The following HEATR5B variants were observed in gnomAD, a reference collection of about 807,000 sequenced individuals.
The protein encoded by HEATR5B is HEAT repeat-containing protein 5B.
In HEATR5B, 156 loss-of-function variants were observed where a neutral mutation model predicts 224.1. The ratio of observed to expected loss-of-function variants is 0.70; its 90% CI spans 0.61 to 0.80. The LOEUF is 0.80. Among genes scored for constraint, HEATR5B ranks in the 30% least tolerant of loss-of-function variants. The pLI, the probability that HEATR5B is intolerant of heterozygous loss-of-function variation, is 0.00. For missense variants in HEATR5B, 2,323 were observed against 2,535.5 expected (o/e 0.92, Z 1.80); for synonymous variants, 1,027 against 893.0 (o/e 1.15, Z -2.68).
In HEATR5B at chr2:36,990,729, A is replaced by G; in HGVS notation, c.5616T>C (p.Ser1872=). 6.2e-7 allele frequency: 1 copy of G among 1,612,512 alleles called. No homozygotes were observed. Among genetic ancestry groups the G allele is most frequent in the South Asian group, 1.1e-5 (1 of 90,870 alleles). The change falls in exon 34 of 36, where the codon AGT becomes AGC. Residue 1872 remains serine, a synonymous_variant. Coordinates refer to ENST00000233099, the MANE Select transcript of HEATR5B (RefSeq NM_019024.3). ...ATGACTGGACTCCTATTATTTCATT[A>G]CTAGCAGACCACAGGAAGAGTGCAA... The part of the protein sequence containing the change: ...TAIALFLWSA[S]NEIIGVQSLQ...
At chr2:37,035,040 T>C (rs1325227855) in intron 21 of HEATR5B, among the ~76,000 whole-genome samples, 1 of 152,358 alleles carries the variant, frequency 6.6e-6, no homozygotes, top group African/African-American at 2.4e-5. Flanking sequence ...CCACCCATCT[T>C]ACACAACTAC....
intron 26 of HEATR5B, among the ~76,000 whole-genome samples, chr2:37,015,558 G>C (rs564879441): frequency 2.4e-4 from 37 of 152,282 alleles, no homozygotes; most frequent in Admixed American, 9.2e-4. Flanking sequence ...TACAAAAAGA[G>C]CAAGGAATCA....
chr2:37,075,342 T>C (rs1672160181), intron 5 of HEATR5B, 143 bp downstream of exon 5: 1 of 570,980 alleles, frequency 1.8e-6, no homozygotes, highest in Non-Finnish European at 3.0e-6. Flanking sequence ...CATGATGTGA[T>C]ACTATTATAT....
intron 33 of HEATR5B, among the ~76,000 whole-genome samples, chr2:36,996,088 G>A (rs1041144715): frequency 4.7e-5 from 7 of 148,614 alleles, no homozygotes; most frequent in Non-Finnish European, 1.0e-4. Context: ...TTGAGAGGGA[G>A]TCTCGCTCTG....
intron 4 of HEATR5B, among the ~76,000 whole-genome samples, chr2:37,076,533 G>A (rs953769680): frequency 6.6e-6 from 1 of 151,800 alleles, no homozygotes; most frequent in Non-Finnish European, 1.5e-5. Context: ...ACACTTTATC[G>A]CAGACCTCCA....
intron 27 of HEATR5B, among the ~76,000 whole-genome samples, chr2:37,013,146 T>C (rs752607041): frequency 1.3e-5 from 2 of 152,302 alleles, no homozygotes; most frequent in Admixed American, 6.5e-5. Context: ...ATAACTCCAA[T>C]AGTCTTCCCT....
Position 37,020,744 on chromosome 2 carries a change from G to A in HEATR5B, c.3946C>T (p.Gln1316Ter). 1.9e-6 allele frequency: 3 copies of A among 1,610,338 alleles called. No homozygotes were observed. Among genetic ancestry groups the A allele is most frequent in the Non-Finnish European group, 2.5e-6 (3 of 1,179,292 alleles). ...HSNQLRMAGLQALEDIIKKFA... is the reference protein window; with the variant it reads ...HSNQLRMAGL Reference sequence around the variant, plus strand: ...TTCTTGATAATGTCTTCAAGCGCCTGGAGCCCAGCCATTCGCAGCTGGTTG... The same window carrying A: ...TTCTTGATAATGTCTTCAAGCGCCTAGAGCCCAGCCATTCGCAGCTGGTTG... Residue 1316 changes from glutamine (Q) to a stop codon, truncating the protein, a stop_gained, in exon 25 of 36, where the codon CAG becomes TAG. Transcript: ENST00000233099. LOFTEE classifies it high-confidence loss of function.
chr2:37,038,815 G>T (rs914036887), intron 20 of HEATR5B, among the ~76,000 whole-genome samples: 1 of 147,704 alleles, frequency 6.8e-6, no homozygotes, highest in African/African-American at 2.5e-5. Flanking sequence ...CAGGAGAATT[G>T]CTTGAACCCG....
intron 35 of HEATR5B, among the ~76,000 whole-genome samples, chr2:36,987,586 G>A (rs946528580): frequency 1.3e-5 from 2 of 152,016 alleles, no homozygotes; most frequent in African/African-American, 2.4e-5. Flanking sequence ...AGGGAATAAA[G>A]AAAATATATT....
chr2:37,012,246 C>G (rs557412642), intron 27 of HEATR5B, among the ~76,000 whole-genome samples: 2 of 152,288 alleles, frequency 1.3e-5, no homozygotes, highest in East Asian at 3.9e-4. Context: ...CACTTAATAT[C>G]ATCATCTTTC....
rs187258235 is a variant in HEATR5B at position 36,982,252 on chromosome 2, T to A, written c.5912-458A>T. On this transcript the variant is annotated intron_variant, in intron 35 of 35. Transcript: ENST00000233099. ...AATACAATACAACTTTTTTCCTATT[T>A]CATCATCCCCCAAAACTCACAGTGA... Among the ~76,000 whole-genome samples the A allele has an allele frequency of 2.2e-3, 340 of 152,282 alleles. 1 individual carries two copies. The highest frequency in any genetic ancestry group is 7.7e-3 in the African/African-American group (322 of 41,554).
In HEATR5B at chr2:37,062,027, A is replaced by G. The variant is rs757801516; in HGVS notation, c.1608T>C (p.Asp536=). 33 of 1,611,082 alleles carry G rather than the reference A, an allele frequency of 2.0e-5. No homozygotes were observed. The South Asian group carries it at 3.6e-4, about 18-fold the overall frequency. The change falls in exon 11 of 36, where the codon GAT becomes GAC. Residue 536 remains aspartate, a synonymous_variant. Transcript: ENST00000233099. ...KGKMVVSIAE[D]LLRTAAQNSR... is the part of the protein sequence containing the mutation. ...TATTTTGGGCAGCAGTTCGTAAAAG[A>G]TCTTCAGCAATACTAACTACCATCT...
chr2:36,993,841 T>C (rs1018404938), intron 33 of HEATR5B, among the ~76,000 whole-genome samples: 2 of 151,548 alleles, frequency 1.3e-5, no homozygotes, highest in Non-Finnish European at 2.9e-5. Flanking sequence ...AAAAAAAAAT[T>C]AGACAATTCT....
chr2:37,034,375 A>C (rs1265350644), intron 21 of HEATR5B, among the ~76,000 whole-genome samples: 1 of 137,294 alleles, frequency 7.3e-6, no homozygotes, highest in Non-Finnish European at 1.6e-5. Context: ...GCACTTTGGG[A>C]GGCCGAGGCG....
At chr2:37,039,497 T>C (rs1348601057) in intron 20 of HEATR5B, among the ~76,000 whole-genome samples, 1 of 152,114 alleles carries the variant, frequency 6.6e-6, no homozygotes, top group African/African-American at 2.4e-5. Context: ...TGATCTGGGC[T>C]TCACTTCTTA....
In HEATR5B at chr2:37,079,276, C is replaced by G. The variant is rs762671231; in HGVS notation, c.182G>C (p.Ser61Thr). Residue 61 changes from serine (S) to threonine (T), a missense_variant, in exon 3 of 36, where the codon AGT becomes ACT. Ser to Thr is a moderately conservative substitution (Grantham distance 58). Coordinates refer to ENST00000233099, the MANE Select transcript of HEATR5B (RefSeq NM_019024.3). ...KLVEQLTGLI[S>T]SSPGPPTRKL... Reference sequence around the variant, plus strand: ...TCGTGTAGGTGGTCCAGGTGAACTACTTATTAATCCAGTTAATTGTTCAAC... The same window carrying G: ...TCGTGTAGGTGGTCCAGGTGAACTAGTTATTAATCCAGTTAATTGTTCAAC... The G allele has an allele frequency of 6.2e-7, 1 of 1,613,008 alleles. No individual in the cohort carries two copies. Among genetic ancestry groups the G allele is most frequent in the Non-Finnish European group, 8.5e-7 (1 of 1,179,392 alleles).
intron 2 of HEATR5B, among the ~76,000 whole-genome samples, chr2:37,082,118 G>A (rs1672618054): frequency 7.9e-6 from 1 of 126,172 alleles, no homozygotes; most frequent in African/African-American, 3.0e-5. Flanking sequence ...CCCCCGGGCT[G>A]GAGTGCATTA....
chr2:37,059,406 ATGTGTGTGTGTGTGTG>A (rs529487124), intron 12 of HEATR5B, among the ~76,000 whole-genome samples: 3,766 of 100,252 alleles, frequency 0.038, 139 homozygotes, highest in South Asian at 0.1. Context: ...ATATATGTAT[ATGTGTGTGTGTGTGTG>A]TGTGTGTGTG....
intron 32 of HEATR5B, 118 bp downstream of exon 32, chr2:37,002,188 T>C (rs1667131020): frequency 4.3e-6 from 5 of 1,150,950 alleles, no homozygotes; most frequent in Non-Finnish European, 6.2e-6. Flanking sequence ...GACCAGCTTC[T>C]TATTTTTCAC....
Sources: gnomAD v4.1 joint callset for allele counts (sites outside exome capture counted in the v4.1 genomes callset) on GRCh38, gnomAD v4.1.1 for gene constraint, MANE v1.5 for transcripts, NCBI Gene and HGNC (gene_info 2026-07-23, HGNC 2026-07-21) for gene names.